The following PRH1 variants were observed in gnomAD, a reference collection of about 807,000 sequenced individuals.
PRH1 encodes proline rich protein HaeIII subfamily 1, also known as salivary acidic proline-rich phosphoprotein 1/2.
Under a neutral mutation model 7.9 loss-of-function variants are expected in PRH1, and 7 were observed. That is an observed-to-expected ratio of 0.89 (90% CI 0.50 to 1.67). PRH1 has a LOEUF of 1.67. Ranked by LOEUF, PRH1 falls within the 40% of genes most tolerant of loss-of-function variation. PRH1 has a pLI of 0.00. For missense variants in PRH1, 109 were observed against 223.6 expected (o/e 0.49, Z 3.27); for synonymous variants, 45 against 80.8 (o/e 0.56, Z 2.38).
chr12:11,170,543 G>A (rs1257990237), intron 1 of PRH1, among the ~76,000 whole-genome samples: 5 of 152,156 alleles, frequency 3.3e-5, no homozygotes, highest in African/African-American at 7.2e-5. Context: ...CGAGACTCCC[G>A]TCTCAAAAAC....
At chr12:11,051,014 C>A (rs1216289763), upstream of PRH1, among the ~76,000 whole-genome samples, 1 of 152,266 alleles carries the variant, frequency 6.6e-6, no homozygotes, top group Non-Finnish European at 1.5e-5. Context: ...ATCCACCAAA[C>A]CTAGCTGACA....
intron 1 of PRH1, among the ~76,000 whole-genome samples, chr12:11,106,993 C>T (rs1010606220): frequency 6.6e-6 from 1 of 151,946 alleles, no homozygotes; most frequent in Non-Finnish European, 1.5e-5. Context: ...AAAAGATAAC[C>T]AGTGAGACCT....
intron 1 of PRH1, among the ~76,000 whole-genome samples, chr12:10,978,355 C>G (rs993956009): frequency 3.9e-5 from 6 of 152,160 alleles, no homozygotes; most frequent in African/African-American, 1.4e-4. Context: ...AGATAACTGG[C>G]TAGTCACATG....
At chr12:11,123,341 G>C (rs529285623) in intron 1 of PRH1, among the ~76,000 whole-genome samples, 60 of 140,020 alleles carry the variant, frequency 4.3e-4, no homozygotes, top group Admixed American at 2.9e-3. Context: ...ATATATCTGG[G>C]TGTAGATTTA....
chr12:11,050,102 A>T (rs994602533), upstream of PRH1, among the ~76,000 whole-genome samples: 3 of 151,224 alleles, frequency 2.0e-5, no homozygotes, highest in Non-Finnish European at 3.0e-5. Flanking sequence ...TCGGTTGTGG[A>T]GACCCTAATC....
At chr12:11,123,695 G>T (rs1198292152) in intron 1 of PRH1, among the ~76,000 whole-genome samples, 1 of 151,050 alleles carries the variant, frequency 6.6e-6, no homozygotes, top group Non-Finnish European at 1.5e-5. Context: ...GCATGAATTT[G>T]TTACCCTCTA....
intron 1 of PRH1, among the ~76,000 whole-genome samples, chr12:11,167,929 TA>T (rs11284002): frequency 0.45 from 68,617 of 151,334 alleles, 16,289 homozygotes; most frequent in Non-Finnish European, 0.52. Flanking sequence ...ATGCATGGTT[TA>T]AAAAATGTCT....
rs1343138737 is a variant in PRH1 at position 11,160,048 on chromosome 12, G to A, written n.39+11374C>T. 2.6e-5 allele frequency among the ~76,000 whole-genome samples: 4 copies of A among 152,228 alleles called. No homozygotes were observed. In the East Asian group the frequency reaches 5.8e-4, roughly 22 times the overall value. Reference sequence around the variant, plus strand: ...TGGTAATGACTAAAGAAGCGAAGTCGAGTATGTAAACATGCAAAAATGAGA... The same window carrying A: ...TGGTAATGACTAAAGAAGCGAAGTCAAGTATGTAAACATGCAAAAATGAGA... On this transcript the variant is annotated intron_variant and non_coding_transcript_variant, in intron 1 of 1. Coordinates refer to the PRH1 transcript ENST00000541175.
intron 2 of PRH1, among the ~76,000 whole-genome samples, chr12:10,948,712 T>C (rs1565492937): frequency 1.3e-5 from 2 of 152,322 alleles, no homozygotes; most frequent in Middle Eastern, 3.4e-3. Context: ...ATTTGAGTTA[T>C]TGCATTTGTT....
At chr12:11,073,427 C>G (rs1462609645) in intron 1 of PRH1, among the ~76,000 whole-genome samples, 4 of 142,766 alleles carry the variant, frequency 2.8e-5, no homozygotes, top group African/African-American at 1.0e-4. Flanking sequence ...AGCCACCATG[C>G]CCAGCAGAAA....
At chr12:10,935,024 A>AG (rs1369159826) in intron 2 of PRH1, among the ~76,000 whole-genome samples, 1 of 152,190 alleles carries the variant, frequency 6.6e-6, no homozygotes, top group African/African-American at 2.4e-5. Context: ...GGGAAGACTG[A>AG]GGGGATATTT....
At chr12:10,909,190 T>G in intron 2 of PRH1, 4 of 1,613,936 alleles carry the variant, frequency 2.5e-6, no homozygotes, top group Non-Finnish European at 3.4e-6. Flanking sequence ...TCTCTTTTAC[T>G]GACCCAGTCA....
intron 2 of PRH1, among the ~76,000 whole-genome samples, chr12:10,955,581 AGAGCTGAACTGAAG>A (rs1937912207): frequency 6.6e-6 from 1 of 152,202 alleles, no homozygotes; most frequent in African/African-American, 2.4e-5. Context: ...AACCAAAATC[AGAGCTGAACTGAAG>A]GAAATTGTGA....
chr12:11,115,001 C>T (rs904723765), intron 1 of PRH1, among the ~76,000 whole-genome samples: 10 of 152,104 alleles, frequency 6.6e-5, no homozygotes, highest in Non-Finnish European at 1.3e-4. Context: ...CAGACCACAA[C>T]ATAACCAGAA....
At chr12:11,063,681 T>A (rs1413538213) in intron 1 of PRH1, among the ~76,000 whole-genome samples, 1 of 152,070 alleles carries the variant, frequency 6.6e-6, no homozygotes, top group Non-Finnish European at 1.5e-5. Flanking sequence ...TGTACAACCT[T>A]GTTGTGTCAG....
At chr12:10,907,769 C>G (rs1183394604) in intron 2 of PRH1, among the ~76,000 whole-genome samples, 1 of 151,816 alleles carries the variant, frequency 6.6e-6, no homozygotes, top group Non-Finnish European at 1.5e-5. Context: ...TAAATTATAC[C>G]TCAATAATAT....
intron 1 of PRH1, among the ~76,000 whole-genome samples, chr12:10,993,688 A>G (rs1940057024): frequency 6.6e-6 from 1 of 152,196 alleles, no homozygotes; most frequent in Admixed American, 6.5e-5. Context: ...TGATTCACTA[A>G]TGAAGTTGCC....
At chr12:11,039,517 T>C (rs1942610855) in intron 1 of PRH1, among the ~76,000 whole-genome samples, 1 of 152,256 alleles carries the variant, frequency 6.6e-6, no homozygotes, top group South Asian at 2.1e-4. Context: ...TTTTAAATGT[T>C]CTGCAATTTT....
At chr12:11,165,552 A>AT (rs1203699155) in intron 1 of PRH1, among the ~76,000 whole-genome samples, 1 of 152,154 alleles carries the variant, frequency 6.6e-6, no homozygotes, top group Admixed American at 6.5e-5. Context: ...CACATTAATC[A>AT]TAATTATTTT....
Sources: gnomAD v4.1 joint callset for allele counts (sites outside exome capture counted in the v4.1 genomes callset) on GRCh38, gnomAD v4.1.1 for gene constraint, MANE v1.5 for transcripts, NCBI Gene and HGNC (gene_info 2026-07-23, HGNC 2026-07-21) for gene names.